The following CLCN4 variants were observed in gnomAD, a reference collection of about 807,000 sequenced individuals.
CLCN4 encodes the protein H(+)/Cl(-) exchange transporter 4.
In CLCN4, 1 loss-of-function variant was observed where a neutral mutation model predicts 41.7. The ratio of observed to expected loss-of-function variants is 0.02; its 90% CI spans 0.01 to 0.11. The LOEUF is 0.11. CLCN4 is among the 10% of genes least tolerant of loss of function. The pLI is 1.00. For missense variants in CLCN4, 287 were observed against 661.0 expected (o/e 0.43, Z 6.20); for synonymous variants, 277 against 285.8 (o/e 0.97, Z 0.31).
At chrX:10,213,346 T>C (rs1452922557) in intron 10 of CLCN4, among the ~76,000 whole-genome samples, 1 of 112,405 alleles carries the variant, frequency 8.9e-6, no homozygotes, top group Non-Finnish European at 1.9e-5. Context: ...TATGGGGTTC[T>C]TGAAGAGCAC....
At chrX:10,218,349 A>G (rs991164016) in intron 11 of CLCN4, among the ~76,000 whole-genome samples, 1 of 111,281 alleles carries the variant, frequency 9.0e-6, no homozygotes, top group Non-Finnish European at 1.9e-5. Context: ...TTTCGGTTGT[A>G]TTGTTTTGGT....
Position 10,183,157 on chromosome X carries a change from C to T in CLCN4, c.-11-1865C>T, listed in dbSNP as rs143936454. Among the ~76,000 whole-genome samples the T allele has an allele frequency of 4.2e-3, 471 of 111,980 alleles. 4 individuals carry two copies. The highest frequency in any genetic ancestry group is 0.015 in the African/African-American group (453 of 30,809). On this transcript the variant is annotated intron_variant, in intron 2 of 12. Coordinates refer to ENST00000380833, the MANE Select transcript of CLCN4 (RefSeq NM_001830.4). ...ATGAAATCTTTGCTTTCTAATTTTA[C>T]TCTCTTCCTCATATCATTGGTTGCT...
At chrX:10,177,184 C>T (rs766535070) in intron 2 of CLCN4, among the ~76,000 whole-genome samples, 5 of 112,570 alleles carry the variant, frequency 4.4e-5, no homozygotes, top group Admixed American at 1.9e-4. Context: ...TCAGTGTCCG[C>T]GAATAAAGTT....
chrX:10,161,560 T>C, intron 2 of CLCN4, among the ~76,000 whole-genome samples: 1 of 112,090 alleles, frequency 8.9e-6, no homozygotes. Flanking sequence ...AACAGGCATT[T>C]TGGGGATGCC....
chrX:10,236,751 A>G lies in CLCN4; in HGVS notation c.*3167A>G, dbSNP rs1478473368. ...TTTTTTTTTTTCCTCTTCCAGAACCAAAGGCTTTAGACATTTGTAGAACTT... is the reference window on the plus strand; with the variant it reads ...TTTTTTTTTTTCCTCTTCCAGAACCGAAGGCTTTAGACATTTGTAGAACTT... On this transcript the variant is annotated 3_prime_UTR_variant, in exon 13 of 13. Transcript: ENST00000380833. 9.0e-6 allele frequency: 1 copy of G among 110,549 alleles called. No individual in the cohort carries two copies. The highest frequency in any genetic ancestry group is 2.8e-4 in the East Asian group (1 of 3,539). The allele number at this position is 110,549 out of a possible 1,213,427, so 9.1% of individuals were successfully genotyped here. A position where few individuals can be genotyped will look rare whatever the true frequency, so the allele number is the denominator to read the frequency against.
At chrX:10,206,803 G>T (rs775466247) in intron 8 of CLCN4, 27 bp downstream of exon 8, 5 of 1,092,775 alleles carry the variant, frequency 4.6e-6, no homozygotes, top group Non-Finnish European at 5.0e-6. Flanking sequence ...GAGGGAATTC[G>T]TGATTTTGAG....
chrX:10,226,580 C>T (rs1049252243), intron 12 of CLCN4, among the ~76,000 whole-genome samples: 33 of 110,959 alleles, frequency 3.0e-4, no homozygotes, highest in African/African-American at 1.0e-3. Flanking sequence ...TACAAAAAAC[C>T]CTTCGAAAAA....
intron 2 of CLCN4, among the ~76,000 whole-genome samples, chrX:10,166,085 G>A (rs1923243017): frequency 8.9e-6 from 1 of 112,136 alleles, no homozygotes; most frequent in Non-Finnish European, 1.9e-5. Flanking sequence ...GTGAAGGGAA[G>A]GCCAGGCTGT....
At chrX:10,170,955 G>C (rs1199747266) in intron 2 of CLCN4, among the ~76,000 whole-genome samples, 1 of 112,470 alleles carries the variant, frequency 8.9e-6, no homozygotes, top group African/African-American at 3.2e-5. Flanking sequence ...CGCGATCTCC[G>C]CTCACTGCAA....
rs375593112 is a variant in CLCN4, at chrX:10,206,611, C to T, written c.762+47C>T. ...CTGCAGCGAAACTTTCTTCTCAAAG[C>T]CCCCTCCTGCTGTCTGACTTGCAGG... On this transcript the variant is annotated intron_variant, in intron 7 of 12. Transcript: ENST00000380833. 4 of 1,188,787 alleles carry T rather than the reference C, an allele frequency of 3.4e-6. No homozygotes were observed. The African/African-American group carries it at 5.3e-5, about 16-fold the overall frequency.
At chrX:10,186,283 G>A (rs1261822866) in intron 3 of CLCN4, among the ~76,000 whole-genome samples, 1 of 111,384 alleles carries the variant, frequency 9.0e-6, no homozygotes, top group African/African-American at 3.3e-5. Context: ...TGTGCAAGTG[G>A]AGGCTGAAGC....
At chrX:10,212,035 T>A (rs748087668) in intron 9 of CLCN4, among the ~76,000 whole-genome samples, 25 of 111,918 alleles carry the variant, frequency 2.2e-4, no homozygotes, top group Non-Finnish European at 4.1e-4. Context: ...TTATTTTACC[T>A]GGGAGCAGTC....
chrX:10,235,619 C>T lies in CLCN4; in HGVS notation c.*2035C>T, dbSNP rs529061260. The T allele has an allele frequency of 1.9e-4, 21 of 111,837 alleles. No individual in the cohort carries two copies. The South Asian group carries it at 6.7e-3, about 36-fold the overall frequency. The allele number at this position is 111,837 out of a possible 1,213,427, so 9.2% of individuals were successfully genotyped here. A position where few individuals can be genotyped will look rare whatever the true frequency, so the allele number is the denominator to read the frequency against. On this transcript the variant is annotated 3_prime_UTR_variant, in exon 13 of 13. Coordinates refer to ENST00000380833, the MANE Select transcript of CLCN4 (RefSeq NM_001830.4). The stretch of plus-strand genomic sequence containing the variant: ...AATCCATAATTTCTTAGCTCTAATA[C>T]GAATTTTCATGTTGGACAAAAACCT...
intron 2 of CLCN4, among the ~76,000 whole-genome samples, chrX:10,163,939 C>T (rs923450246): frequency 8.9e-6 from 1 of 112,616 alleles, no homozygotes; most frequent in African/African-American, 3.2e-5. Flanking sequence ...CCAAATGTCC[C>T]CTGGGGGTCA....
At chrX:10,219,451 T>C (rs1924805611) in intron 11 of CLCN4, among the ~76,000 whole-genome samples, 1 of 112,364 alleles carries the variant, frequency 8.9e-6, no homozygotes, top group South Asian at 3.7e-4. Context: ...AAACGCGTTG[T>C]GCCTCAGAGT....
rs770847495 is a variant in CLCN4 at position 10,228,122 on chromosome X, CA to C, written c.2193-5371del. The stretch of plus-strand genomic sequence containing the variant: ...ATTCTTTTAGTTATTTTTAAATGTA[CA>C]GTTAAATTATTGATTGTAGTCACCC... On this transcript the variant is annotated intron_variant, in intron 12 of 12. Coordinates refer to ENST00000380833, the MANE Select transcript of CLCN4 (RefSeq NM_001830.4). Among the ~76,000 whole-genome samples the C allele has an allele frequency of 4.6e-3, 514 of 110,736 alleles. 2 individuals are homozygous for C. Among genetic ancestry groups the C allele is most frequent in the Non-Finnish European group, 5.7e-3 (300 of 52,849 alleles).
intron 11 of CLCN4, among the ~76,000 whole-genome samples, chrX:10,217,660 CTCTACA>C (rs1270577773): frequency 9.0e-6 from 1 of 111,723 alleles, no homozygotes; most frequent in Non-Finnish European, 1.9e-5. Context: ...TATTTACCAT[CTCTACA>C]TCTGGCATAT....
intron 2 of CLCN4, among the ~76,000 whole-genome samples, chrX:10,173,925 G>T (rs1923450579): frequency 8.9e-6 from 1 of 112,161 alleles, no homozygotes; most frequent in Non-Finnish European, 1.9e-5. Flanking sequence ...TGCCACTGTG[G>T]TCATTTGGGG....
At chrX:10,216,033 C>T (rs1924696179) in intron 11 of CLCN4, among the ~76,000 whole-genome samples, 1 of 111,574 alleles carries the variant, frequency 9.0e-6, no homozygotes, top group African/African-American at 3.3e-5. Context: ...AATACAGGTG[C>T]ATGACCTGTA....
Sources: gnomAD v4.1 joint callset for allele counts (sites outside exome capture counted in the v4.1 genomes callset) on GRCh38, gnomAD v4.1.1 for gene constraint, MANE v1.5 for transcripts, NCBI Gene and HGNC (gene_info 2026-07-23, HGNC 2026-07-21) for gene names.